The following SEMA3E variants were observed in gnomAD, a reference collection of about 807,000 sequenced individuals.
The protein encoded by SEMA3E is semaphorin-3E.
A neutral mutation model predicts 93.6 loss-of-function variants in SEMA3E; 49 were observed. That is an observed-to-expected ratio of 0.52 (90% CI 0.42 to 0.66). The LOEUF (loss-of-function observed/expected upper bound fraction) is 0.66, where lower values mean the gene tolerates loss of function less well. Ranked by LOEUF, SEMA3E falls within the 30% of genes least tolerant of loss-of-function variation. The pLI, the probability that SEMA3E is intolerant of heterozygous loss-of-function variation, is 0.00. For missense variants in SEMA3E, 906 were observed against 964.8 expected (o/e 0.94, Z 0.81); for synonymous variants, 363 against 330.7 (o/e 1.10, Z -1.06).
rs148383479 is a variant in SEMA3E at position 83,602,517 on chromosome 7, C to T, written c.115+45911G>A. ...TTTTTTTGAGACAGTCTTCCTCTGT[C>T]GCCAGGCTGGAGTGCAGTGGCTTGA... On this transcript the variant is annotated intron_variant, in intron 1 of 16. Coordinates refer to ENST00000643230, the MANE Select transcript of SEMA3E (RefSeq NM_012431.3). Among the ~76,000 whole-genome samples, 91 of 151,048 alleles carry T rather than the reference C, an allele frequency of 6.0e-4. 2 individuals carry two copies. The highest frequency in any genetic ancestry group is 1.9e-3 in the African/African-American group (78 of 41,036).
intron 4 of SEMA3E, among the ~76,000 whole-genome samples, chr7:83,465,393 T>A (rs1562794449): frequency 6.6e-6 from 1 of 152,090 alleles, no homozygotes; most frequent in African/African-American, 2.4e-5. Flanking sequence ...AAACTAATGA[T>A]AAAATCTCCC....
In SEMA3E at chr7:83,562,544, C is replaced by T. The variant is rs143705452; in HGVS notation, c.116-72270G>A. Among the ~76,000 whole-genome samples the T allele has an allele frequency of 5.3e-5, 8 of 151,092 alleles. No homozygotes were observed. The East Asian group carries it at 1.6e-3, about 30-fold the overall frequency. ...TGTGATGGAACCACTATATCAAGAG[C>T]GCTATCTTCTAAAGTAATATCCTCC... is the stretch of plus-strand genomic sequence containing the variant. On this transcript the variant is annotated intron_variant, in intron 1 of 16. Transcript: ENST00000643230.
chr7:83,385,516 A>G (rs1039649287), intron 15 of SEMA3E, 83 bp from the exon 16 acceptor site: 7 of 1,319,024 alleles, frequency 5.3e-6, no homozygotes, highest in Non-Finnish European at 7.7e-6. Context: ...AGATCCCTGC[A>G]GTAACATGAT....
At chr7:83,392,508 G>T in intron 14 of SEMA3E, 47 bp downstream of exon 14, 3 of 1,548,140 alleles carry the variant, frequency 1.9e-6, no homozygotes, top group South Asian at 2.3e-5. Context: ...AAAAGCATTA[G>T]GGTTTTCCTA....
chr7:83,540,371 C>T (rs1342517082), intron 1 of SEMA3E, among the ~76,000 whole-genome samples: 1 of 148,442 alleles, frequency 6.7e-6, no homozygotes, highest in Non-Finnish European at 1.5e-5. Context: ...TTAAACAGTA[C>T]TACTGGTCTT....
rs985010220 is a variant in SEMA3E at position 83,575,817 on chromosome 7, T to C, written c.115+72611A>G. Among the ~76,000 whole-genome samples the C allele has an allele frequency of 2.6e-5, 4 of 152,336 alleles. No individual in the cohort carries two copies. In the South Asian group the frequency reaches 8.3e-4, roughly 32 times the overall value. On this transcript the variant is annotated intron_variant, in intron 1 of 16. Transcript: ENST00000643230. ...AGGAAAAATACCAATTCATAACTCC[T>C]TTTTGGAAGGACAGAGATATATATA...
intron 9 of SEMA3E, among the ~76,000 whole-genome samples, chr7:83,403,001 A>C (rs188032773): frequency 2.0e-3 from 303 of 152,102 alleles, no homozygotes; most frequent in African/African-American, 6.6e-3. Flanking sequence ...TGAAGATGAC[A>C]TTGTTACAAT....
chr7:83,438,776 G>A (rs570138242), intron 4 of SEMA3E, among the ~76,000 whole-genome samples: 1 of 152,102 alleles, frequency 6.6e-6, no homozygotes, highest in South Asian at 2.1e-4. Flanking sequence ...ATTTTAATAT[G>A]TAAGATAAAT....
At chr7:83,385,248 C>A in intron 16 of SEMA3E, 46 bp downstream of exon 16, 1 of 1,603,342 alleles carries the variant, frequency 6.2e-7, no homozygotes, top group East Asian at 2.2e-5. Context: ...ACTGATCACA[C>A]ACTATATGCA....
At chr7:83,638,825 T>C (rs1384410120) in intron 1 of SEMA3E, among the ~76,000 whole-genome samples, 3 of 151,938 alleles carry the variant, frequency 2.0e-5, no homozygotes, top group Non-Finnish European at 2.9e-5. Context: ...AAAACAGAGA[T>C]TCCTGGCCGG....
At chr7:83,616,121 T>G (rs1208544755) in intron 1 of SEMA3E, among the ~76,000 whole-genome samples, 1 of 152,116 alleles carries the variant, frequency 6.6e-6, no homozygotes, top group Non-Finnish European at 1.5e-5. Flanking sequence ...ATAATTATGT[T>G]CAGTTGGGGG....
At position 83,454,272 on chromosome 7, in the gene SEMA3E, A is replaced by AAT. The variant is rs71534491; in HGVS notation, c.456+12208_456+12209dup. On this transcript the variant is annotated intron_variant, in intron 4 of 16. Coordinates refer to ENST00000643230, the MANE Select transcript of SEMA3E (RefSeq NM_012431.3). ...GACTCCGACTCAAAAAAAAAAAAAA[A>AAT]ATATATATATATATATATATATATA... is the stretch of plus-strand genomic sequence containing the variant. Among the ~76,000 whole-genome samples, 287 of 110,052 alleles carry AAT rather than the reference A, an allele frequency of 2.6e-3. 1 individual carries two copies. The highest frequency in any genetic ancestry group is 0.012 in the African/African-American group (269 of 23,052). The allele number at this position is 110,052 out of a possible 152,430, so 72.2% of individuals were successfully genotyped here.
intron 1 of SEMA3E, among the ~76,000 whole-genome samples, chr7:83,578,058 G>GA (rs958660359): frequency 3.3e-5 from 5 of 151,486 alleles, no homozygotes; most frequent in Non-Finnish European, 7.4e-5. Context: ...GCATATGTAA[G>GA]AAAAAATATT....
At chr7:83,421,372 C>T (rs1210236914) in intron 4 of SEMA3E, among the ~76,000 whole-genome samples, 1 of 141,258 alleles carries the variant, frequency 7.1e-6, no homozygotes, top group Admixed American at 7.0e-5. Context: ...TTATTGGCTC[C>T]TATTTCAAGC....
intron 4 of SEMA3E, among the ~76,000 whole-genome samples, chr7:83,449,759 T>C (rs938274966): frequency 1.3e-5 from 2 of 152,182 alleles, no homozygotes; most frequent in Non-Finnish European, 2.9e-5. Flanking sequence ...ACATACATTA[T>C]ACACATATAA....
chr7:83,547,935 C>A (rs573931694), intron 1 of SEMA3E, among the ~76,000 whole-genome samples: 5 of 152,238 alleles, frequency 3.3e-5, no homozygotes, highest in Middle Eastern at 3.4e-3. Context: ...AGATGAGGAA[C>A]TGGTAGCATT....
At chr7:83,541,008 A>G (rs985427325) in intron 1 of SEMA3E, among the ~76,000 whole-genome samples, 1 of 152,170 alleles carries the variant, frequency 6.6e-6, no homozygotes, top group Non-Finnish European at 1.5e-5. Context: ...GAAAGAGATG[A>G]GTTGCCAAGA....
At chr7:83,379,012 G>T (rs1413503110) in intron 16 of SEMA3E, among the ~76,000 whole-genome samples, 1 of 151,744 alleles carries the variant, frequency 6.6e-6, no homozygotes, top group Admixed American at 6.6e-5. Context: ...TCTGTCAATG[G>T]ATGATTGGAT....
At chr7:83,554,892 G>A (rs190738379) in intron 1 of SEMA3E, among the ~76,000 whole-genome samples, 81 of 152,156 alleles carry the variant, frequency 5.3e-4, no homozygotes, top group Non-Finnish European at 9.9e-4. Context: ...CAGGAGAATG[G>A]CGTGAACCCG....
Sources: allele counts gnomAD v4.1 joint callset (sites outside exome capture counted in the v4.1 genomes callset), GRCh38; gene constraint gnomAD v4.1.1; transcripts MANE v1.5; gene names NCBI Gene and HGNC (gene_info 2026-07-23, HGNC 2026-07-21).